PIEZO2: variants seen among roughly 807,000 people sequenced by gnomAD.
PIEZO2 encodes the protein piezo type mechanosensitive ion channel component 2, also known as piezo-type mechanosensitive ion channel component 2.
Under a neutral mutation model 337.3 loss-of-function variants are expected in PIEZO2, and 172 were observed. The observed-to-expected ratio is 0.51, with a 90% CI of 0.45 to 0.58. PIEZO2 has a LOEUF of 0.58. PIEZO2 is among the 20% of genes least tolerant of loss of function. The probability of loss-of-function intolerance (pLI) is 0.00; values close to 1 mark genes in which losing one functional copy is unlikely to be tolerated. For synonymous variants in PIEZO2, 1,251 were observed against 1,228.5 expected (o/e 1.02, Z -0.38); for missense variants, 3,028 against 3,391.3 (o/e 0.89, Z 2.66).
At chr18:10,876,509 A>T (rs1383978005) in intron 4 of PIEZO2, among the ~76,000 whole-genome samples, 1 of 152,138 alleles carries the variant, frequency 6.6e-6, no homozygotes, top group African/African-American at 2.4e-5. Context: ...TACCTTCTCT[A>T]TACATTTAGT....
intron 3 of PIEZO2, among the ~76,000 whole-genome samples, chr18:10,978,833 C>T (rs1264566406): frequency 6.6e-6 from 1 of 152,168 alleles, no homozygotes; most frequent in African/African-American, 2.4e-5. Context: ...GAATTGCTTT[C>T]ACCTACTTGA....
chr18:10,785,738 A>G (rs2039198213), intron 16 of PIEZO2, among the ~76,000 whole-genome samples: 1 of 151,926 alleles, frequency 6.6e-6, no homozygotes, highest in African/African-American at 2.4e-5. Flanking sequence ...CTCTGCCTCC[A>G]CCAAATCTAG....
At chr18:10,936,558 C>A (rs1487544123) in intron 3 of PIEZO2, among the ~76,000 whole-genome samples, 1 of 152,056 alleles carries the variant, frequency 6.6e-6, no homozygotes, top group Non-Finnish European at 1.5e-5. Context: ...TGCTGATGTG[C>A]TAGTTGGCTA....
chr18:10,718,626 C>G (rs2036113796), intron 36 of PIEZO2, among the ~76,000 whole-genome samples: 1 of 152,096 alleles, frequency 6.6e-6, no homozygotes, highest in South Asian at 2.1e-4. Flanking sequence ...ACAGTCATGC[C>G]CATTTGTCTG....
chr18:11,094,443 A>G lies in PIEZO2; in HGVS notation c.65-28221T>C, dbSNP rs1321469533. Among the ~76,000 whole-genome samples the G allele has an allele frequency of 6.6e-6, 1 of 152,190 alleles. No homozygotes were observed. The highest frequency in any genetic ancestry group is 2.4e-5 in the African/African-American group (1 of 41,454). ...TACAGCTGCCTTCATGGGTAAAGCA[A>G]CTTAGTTCTCTTAAAGACACAGGAC... is the stretch of plus-strand genomic sequence containing the variant. On this transcript the variant is annotated intron_variant, in intron 1 of 55. Coordinates refer to ENST00000674853, the MANE Select transcript of PIEZO2 (RefSeq NM_001378183.1). The surrounding 1 kb of genome is among the most constrained non-coding windows in gnomAD (Gnocchi z 4.4).
At chr18:10,845,561 T>C (rs915306582) in intron 7 of PIEZO2, among the ~76,000 whole-genome samples, 9 of 152,186 alleles carry the variant, frequency 5.9e-5, no homozygotes, top group African/African-American at 2.2e-4. Flanking sequence ...CATTCTTTGG[T>C]TGATTGCTAG....
chr18:11,061,941 G>T (rs534469685), intron 2 of PIEZO2, among the ~76,000 whole-genome samples: 1 of 152,150 alleles, frequency 6.6e-6, no homozygotes, highest in Non-Finnish European at 1.5e-5. Flanking sequence ...AAAAGAGCCC[G>T]CATTGCTAAG....
chr18:10,905,156 G>C (rs564928184), intron 4 of PIEZO2, among the ~76,000 whole-genome samples: 1 of 152,104 alleles, frequency 6.6e-6, no homozygotes, highest in Non-Finnish European at 1.5e-5. Context: ...GAATATTTAT[G>C]CACATACAGT....
Position 10,702,078 on chromosome 18 carries a change from T to A in PIEZO2, c.6352A>T (p.Asn2118Tyr). Residue 2118 changes from asparagine to tyrosine, a missense_variant, in exon 43 of 56, where the codon AAC becomes TAC. Asn to Tyr is a moderately radical substitution (Grantham distance 143, BLOSUM62 -2). Transcript: ENST00000674853. ...VNKDKPYHPPNIIGVEKKEGY... is the reference protein window; with the variant it reads ...VNKDKPYHPPYIIGVEKKEGY... ...TCCTTCTTTTCCACTCCTATGATGT[T>A]TGGGGGGTGATACGGTTTATCTTTG... 6.5e-7 allele frequency: 1 copy of A among 1,537,026 alleles called. No individual in the cohort carries two copies. Among genetic ancestry groups the A allele is most frequent in the Non-Finnish European group, 8.7e-7 (1 of 1,146,822 alleles).
intron 1 of PIEZO2, among the ~76,000 whole-genome samples, chr18:11,114,197 C>T (rs1304379686): frequency 6.6e-6 from 1 of 152,166 alleles, no homozygotes; most frequent in Non-Finnish European, 1.5e-5. Context: ...GTAATGGTGC[C>T]TCTCTGCACA....
chr18:11,007,145 T>C (rs2035752630), intron 2 of PIEZO2, among the ~76,000 whole-genome samples: 1 of 152,214 alleles, frequency 6.6e-6, no homozygotes, highest in Non-Finnish European at 1.5e-5. Context: ...ACTGTATTTT[T>C]GTACCAGGGC....
intron 1 of PIEZO2, among the ~76,000 whole-genome samples, chr18:11,066,522 G>T (rs1271670210): frequency 6.6e-6 from 1 of 152,272 alleles, no homozygotes; most frequent in Non-Finnish European, 1.5e-5. Context: ...TAATTTAAGG[G>T]ATACATAGTA....
At chr18:11,122,980 C>T (rs1368847171) in intron 1 of PIEZO2, among the ~76,000 whole-genome samples, 1 of 139,694 alleles carries the variant, frequency 7.2e-6, no homozygotes, top group East Asian at 2.1e-4. Context: ...TATATCAATG[C>T]ATACATATAA....
At position 10,707,005 on chromosome 18, in the gene PIEZO2, T is replaced by A. The variant is rs544549237; in HGVS notation, c.5589-1259A>T. On this transcript the variant is annotated intron_variant, in intron 40 of 55. Transcript: ENST00000674853. This position sits in a 1 kb window ranked among gnomAD's most constrained non-coding sequence, Gnocchi z 4.2. ...AACCTTGGCAGAGCGGCTCACGGCATCCTGTGACTGAAGAACCAGATTGGC... is the reference window on the plus strand; with the variant it reads ...AACCTTGGCAGAGCGGCTCACGGCAACCTGTGACTGAAGAACCAGATTGGC... Among the ~76,000 whole-genome samples, 1 of 152,176 alleles carries A rather than the reference T, an allele frequency of 6.6e-6. No individual in the cohort carries two copies. The highest frequency in any genetic ancestry group is 2.1e-4 in the South Asian group (1 of 4,826).
intron 2 of PIEZO2, among the ~76,000 whole-genome samples, chr18:11,044,645 C>T (rs2037237801): frequency 1.3e-5 from 2 of 152,186 alleles, no homozygotes; most frequent in Admixed American, 6.5e-5. Flanking sequence ...TCACTACAAA[C>T]CTAACCCTCA....
intron 36 of PIEZO2, among the ~76,000 whole-genome samples, 180 bp from the exon 37 acceptor site, chr18:10,718,439 ATAAAAATTATG>A (rs2036104178): frequency 6.6e-6 from 1 of 152,238 alleles, no homozygotes; most frequent in South Asian, 2.1e-4. Context: ...CCATGCCAGC[ATAAAAATTATG>A]TAAATCAAGG....
intron 7 of PIEZO2, among the ~76,000 whole-genome samples, chr18:10,845,375 A>G (rs187674311): frequency 2.0e-4 from 30 of 152,272 alleles, no homozygotes; most frequent in Admixed American, 1.2e-3. Flanking sequence ...TTAAGAGACT[A>G]TGAAAGAGGA....
At chr18:11,046,956 T>A (rs765211435) in intron 2 of PIEZO2, among the ~76,000 whole-genome samples, 1 of 152,236 alleles carries the variant, frequency 6.6e-6, no homozygotes, top group African/African-American at 2.4e-5. Context: ...ACGCTCTCTC[T>A]TACTTTTTCC....
chr18:10,785,978 C>T (rs1175556598), intron 16 of PIEZO2, among the ~76,000 whole-genome samples: 3 of 152,196 alleles, frequency 2.0e-5, no homozygotes, highest in African/African-American at 4.8e-5. Flanking sequence ...GTCTTCAGTT[C>T]CTCTTATGAA....
Sources: allele counts gnomAD v4.1 joint callset (sites outside exome capture counted in the v4.1 genomes callset), GRCh38; gene constraint gnomAD v4.1.1; non-coding constraint Gnocchi (gnomAD v3.1); transcripts MANE v1.5; gene names NCBI Gene and HGNC (gene_info 2026-07-23, HGNC 2026-07-21).